DACT1: variants seen among roughly 807,000 people sequenced by gnomAD.
DACT1 encodes the protein dapper homolog 1.
DACT1 carries 19 observed loss-of-function variants against 35.3 expected under a neutral mutation model. The ratio of observed to expected loss-of-function variants is 0.54; its 90% CI spans 0.38 to 0.79. DACT1 has a LOEUF of 0.79. Ranked by LOEUF, DACT1 falls within the 30% of genes least tolerant of loss-of-function variation. The pLI, the probability that DACT1 is intolerant of heterozygous loss-of-function variation, is 0.00. For missense variants in DACT1, 1,143 were observed against 1,057.5 expected (o/e 1.08, Z -1.12); for synonymous variants, 545 against 466.7 (o/e 1.17, Z -2.16).
intron 1 of DACT1, among the ~76,000 whole-genome samples, chr14:58,639,550 A>G (rs1245173232): frequency 3.3e-5 from 5 of 151,828 alleles, no homozygotes; most frequent in African/African-American, 9.7e-5. Flanking sequence ...GTTTTCTTCT[A>G]TTATCTCTTT....
At position 58,646,247 on chromosome 14, in the gene DACT1, A is replaced by G. The variant is rs144580784; in HGVS notation, c.1513A>G (p.Ser505Gly). The change falls in exon 4 of 4, where the codon AGC becomes GGC. Residue 505 changes from serine to glycine, a missense_variant. Physicochemically the swap from Ser to Gly is moderately conservative, Grantham distance 56 (BLOSUM62 0). Around this residue, in one of 3 missense-constraint regions of DACT1, gnomAD observed 1,054 missense variants for 958.8 expected, o/e 1.10. Transcript: ENST00000395153. ...VEERPALDFK[S>G]EGSSQSLEEA... Reference sequence around the variant, plus strand: ...AGAGAGGCCTGCCTTGGATTTCAAGAGCGAGGGCTCTTCCCAAAGCCTGGA... The same window carrying G: ...AGAGAGGCCTGCCTTGGATTTCAAGGGCGAGGGCTCTTCCCAAAGCCTGGA... 1 of 1,613,880 alleles carries G rather than the reference A, an allele frequency of 6.2e-7. No individual in the cohort carries two copies. Among genetic ancestry groups the G allele is most frequent in the Non-Finnish European group, 8.5e-7 (1 of 1,179,968 alleles).
rs760001060 is a variant in DACT1, at chr14:58,645,612, C to T, written c.878C>T (p.Ser293Phe). 3 of 1,614,052 alleles carry T rather than the reference C, an allele frequency of 1.9e-6. No individual in the cohort carries two copies. In the Admixed American group the frequency reaches 5.0e-5, roughly 27 times the overall value. ...LPSPSSLWSA[S>F]HPSSSKKMDG... ...TCCCCAAGCAGTCTGTGGTCTGCTT[C>T]CCATCCTTCATCCAGCAAGAAAATG... Residue 293 changes from serine (S) to phenylalanine (F), a missense_variant, in exon 4 of 4, where the codon TCC (serine) becomes TTC (phenylalanine). Ser to Phe is a radical substitution (Grantham distance 155). This residue lies in a region of DACT1 where 1,054 missense variants were observed against 958.8 expected (regional missense o/e 1.10). Transcript: ENST00000395153.
Position 58,647,488 on chromosome 14 carries a change from A to G in DACT1, c.*354A>G, listed in dbSNP as rs2047705184. 1 of 287,040 alleles carries G rather than the reference A, an allele frequency of 3.5e-6. No homozygotes were observed. Among genetic ancestry groups the G allele is most frequent in the Non-Finnish European group, 6.9e-6 (1 of 145,942 alleles). The allele number at this position is 287,040 out of a possible 1,614,324, so 17.8% of individuals were successfully genotyped here. A position where few individuals can be genotyped will look rare whatever the true frequency, so the allele number is the denominator to read the frequency against. On this transcript the variant is annotated 3_prime_UTR_variant, in exon 4 of 4. Coordinates refer to ENST00000395153, the MANE Select transcript of DACT1 (RefSeq NM_001079520.2). ...ATCTTTTGATCCCAAGGTCAGGTGG[A>G]TGGAATTTTTGGATTTATATTTGTT...
At position 58,645,832 on chromosome 14, in the gene DACT1, C is replaced by T. The variant is rs1174468297; in HGVS notation, c.1098C>T (p.Gly366=). 2 of 1,614,236 alleles carry T rather than the reference C, an allele frequency of 1.2e-6. No homozygotes were observed. The highest frequency in any genetic ancestry group is 2.2e-5 in the East Asian group (1 of 44,872). ...CGAAACAGGCGTGTCTGCCCTCTGG[C>T]GGGATACCTTCTCTGAACAATGGGA... is the stretch of plus-strand genomic sequence containing the variant. The part of the protein sequence containing the change: ...KNSKQACLPS[G]GIPSLNNGTF... Residue 366 remains glycine (G), a synonymous_variant, in exon 4 of 4, where the codon GGC becomes GGT. Transcript: ENST00000395153.
chr14:58,638,698 C>G (rs1294244789), intron 1 of DACT1, 151 bp downstream of exon 1: 1 of 1,195,690 alleles, frequency 8.4e-7, no homozygotes, highest in African/African-American at 1.6e-5. Context: ...CCCTGATCCC[C>G]TTCCTGAGTG....
intron 3 of DACT1, 60 bp from the exon 4 acceptor site, chr14:58,645,309 C>T: frequency 6.2e-7 from 1 of 1,614,214 alleles, no homozygotes; most frequent in Non-Finnish European, 8.5e-7. Context: ...GACCAGGCCT[C>T]AGGGGCAGTT....
At chr14:58,637,330 ATCGTAAGACCGAC>A (rs2047579818), upstream of DACT1, among the ~76,000 whole-genome samples, 1 of 152,276 alleles carries the variant, frequency 6.6e-6, no homozygotes, top group Non-Finnish European at 1.5e-5. Flanking sequence ...AATGCCGTCC[ATCGTAAGACCGAC>A]GTTAAAAAAT....
Position 58,638,553 on chromosome 14 carries a change from T to A in DACT1, c.345+6T>A. 7.5e-7 allele frequency: 1 copy of A among 1,335,942 alleles called. No homozygotes were observed. The highest frequency in any genetic ancestry group is 2.8e-5 in the East Asian group (1 of 35,710). 82.8% of individuals were successfully genotyped at this position (1,335,942 alleles called of 1,614,324 possible). ...TGCTGCTAAGAAAGCAATTGGTAGG[T>A]CGTGCCCGAAGGTGGAGCACGGCTG... On this transcript the variant is annotated splice_donor_region_variant and intron_variant, in intron 1 of 3. Coordinates refer to ENST00000395153, the MANE Select transcript of DACT1 (RefSeq NM_001079520.2).
chr14:58,637,558 T>C (rs1425410202), upstream of DACT1, among the ~76,000 whole-genome samples: 1 of 152,168 alleles, frequency 6.6e-6, no homozygotes, highest in Non-Finnish European at 1.5e-5. Flanking sequence ...GTGCTGCAAC[T>C]TGGTCGAGTT....
chr14:58,635,539 G>A (rs1189846783), upstream of DACT1, among the ~76,000 whole-genome samples: 2 of 152,058 alleles, frequency 1.3e-5, no homozygotes, highest in African/African-American at 4.8e-5. Flanking sequence ...TTTCCTATTC[G>A]TGACCATTTT....
rs1201566876 is a variant in DACT1, at chr14:58,647,785, C to T, written c.*651C>T. On this transcript the variant is annotated 3_prime_UTR_variant, in exon 4 of 4. Coordinates refer to ENST00000395153, the MANE Select transcript of DACT1 (RefSeq NM_001079520.2). ...TTTTGCCACACTTGGTGCCTAGGCC[C>T]TGTTCCTAATAACCCCTTCTAGGGC... The T allele has an allele frequency of 6.0e-6, 1 of 167,210 alleles. No homozygotes were observed. The highest frequency in any genetic ancestry group is 1.5e-5 in the Non-Finnish European group (1 of 68,216). The allele number at this position is 167,210 out of a possible 1,614,324, so 10.4% of individuals were successfully genotyped here. A position where few individuals can be genotyped will look rare whatever the true frequency, so the allele number is the denominator to read the frequency against.
chr14:58,640,990 C>T, intron 2 of DACT1, 122 bp downstream of exon 2: 1 of 1,088,788 alleles, frequency 9.2e-7, no homozygotes. Context: ...AGAGGATAAA[C>T]AAAAAAGAAG....
chr14:58,636,510 A>G (rs1022914786), upstream of DACT1, among the ~76,000 whole-genome samples: 1 of 152,200 alleles, frequency 6.6e-6, no homozygotes, highest in African/African-American at 2.4e-5. Flanking sequence ...GTGCACACCC[A>G]GATAAATAAC....
chr14:58,635,361 C>T (rs141674314), upstream of DACT1, among the ~76,000 whole-genome samples: 1,067 of 152,312 alleles, frequency 7.0e-3, 17 homozygotes, highest in African/African-American at 0.024. Flanking sequence ...GCAACCCAGC[C>T]TGTCTCACTT....
At chr14:58,638,637 T>C (rs943708631) in intron 1 of DACT1, 90 bp downstream of exon 1, 1 of 1,248,398 alleles carries the variant, frequency 8.0e-7, no homozygotes, top group Non-Finnish European at 1.0e-6. Context: ...AGGTTGACTC[T>C]GGCTGGGGAG....
At chr14:58,634,729 C>G (rs1489101450), upstream of DACT1, among the ~76,000 whole-genome samples, 2 of 152,226 alleles carry the variant, frequency 1.3e-5, no homozygotes, top group Non-Finnish European at 2.9e-5. Flanking sequence ...GCAACTGATG[C>G]CCCTTACTTT....
rs2047684084 is a variant in DACT1, at chr14:58,646,467, C to T, written c.1733C>T (p.Pro578Leu). Residue 578 changes from proline to leucine, a missense_variant, in exon 4 of 4, where the codon CCA (proline) becomes CTA (leucine). This residue lies in a region of DACT1 where 1,054 missense variants were observed against 958.8 expected (regional missense o/e 1.10). Coordinates refer to ENST00000395153, the MANE Select transcript of DACT1 (RefSeq NM_001079520.2). ...GCCGGGAGCAAGAAGTGTCGCTTCCCAGATGACTTGGATACAAATAAGAAA... is the reference window on the plus strand; with the variant it reads ...GCCGGGAGCAAGAAGTGTCGCTTCCTAGATGACTTGGATACAAATAAGAAA... ...TRAGSKKCRF[P>L]DDLDTNKKLK... 1 of 1,575,316 alleles carries T rather than the reference C, an allele frequency of 6.3e-7. No homozygotes were observed.
chr14:58,646,537 C>G lies in DACT1; in HGVS notation c.1803C>G (p.Pro601=). Residue 601 remains proline (P), a synonymous_variant, in exon 4 of 4, where the codon CCC becomes CCG. Coordinates refer to ENST00000395153, the MANE Select transcript of DACT1 (RefSeq NM_001079520.2). ...SSKGRKSGGG[P]EAGVPGRPAG... is the part of the protein sequence containing the mutation. Reference sequence around the variant, plus strand: ...AGGGGAGGAAGAGTGGGGGCGGGCCCGAGGCTGGTGTTCCCGGCAGGCCCG... The same window carrying G: ...AGGGGAGGAAGAGTGGGGGCGGGCCGGAGGCTGGTGTTCCCGGCAGGCCCG... The G allele has an allele frequency of 1.3e-6, 2 of 1,554,886 alleles. No homozygotes were observed. Among genetic ancestry groups the G allele is most frequent in the Non-Finnish European group, 1.7e-6 (2 of 1,152,936 alleles).
Position 58,646,887 on chromosome 14 carries a change from G to A in DACT1, c.2153G>A (p.Gly718Glu), listed in dbSNP as rs1294713584. ...AGCAATTACACCACCAACTGCTTCG[G>A]GGACAGCGAGTCGAGTGTGAGCGAG... ...EQSNYTTNCF[G>E]DSESSVSEGE... The change falls in exon 4 of 4, where the codon GGG becomes GAG. Residue 718 changes from glycine to glutamate, a missense_variant. By Grantham distance (98) the Gly-to-Glu change is moderately conservative. Transcript: ENST00000395153. 3 of 1,614,178 alleles carry A rather than the reference G, an allele frequency of 1.9e-6. No homozygotes were observed. The highest frequency in any genetic ancestry group is 1.7e-6 in the Non-Finnish European group (2 of 1,180,040).
Sources: gnomAD v4.1 joint callset for allele counts (sites outside exome capture counted in the v4.1 genomes callset) on GRCh38, gnomAD v4.1.1 for gene constraint, gnomAD v4.1.1 regional missense constraint, MANE v1.5 for transcripts, NCBI Gene and HGNC (gene_info 2026-07-23, HGNC 2026-07-21) for gene names.